ATP2C2: variants seen among roughly 807,000 people sequenced by gnomAD.
ATP2C2 encodes the protein calcium-transporting ATPase type 2C member 2.
In ATP2C2, 171 loss-of-function variants were observed where a neutral mutation model predicts 110.8. That is an observed-to-expected ratio of 1.54 (90% CI 1.36 to 1.75). The LOEUF (loss-of-function observed/expected upper bound fraction) is 1.75, where lower values mean the gene tolerates loss of function less well. Among genes scored for constraint, ATP2C2 ranks in the 40% most tolerant of loss-of-function variants. The pLI is 0.00. For synonymous variants in ATP2C2, 804 were observed against 508.4 expected, an observed-to-expected ratio of 1.58 and a Z score of -7.82; for missense variants, 1,963 against 1,235.0, an observed-to-expected ratio of 1.59 and a Z score of -8.84.
At chr16:84,414,846 A>G (rs1906691211) in intron 6 of ATP2C2, among the ~76,000 whole-genome samples, 1 of 152,088 alleles carries the variant, frequency 6.6e-6, no homozygotes, top group South Asian at 2.1e-4. Flanking sequence ...TGGGAAAGCC[A>G]TCGGAGGGTT....
Position 84,398,367 on chromosome 16 carries a change from C to G in ATP2C2, c.100-132C>G, listed in dbSNP as rs12148971. On this transcript the variant is annotated intron_variant, in intron 1 of 26. Coordinates refer to ENST00000262429, the MANE Select transcript of ATP2C2 (RefSeq NM_014861.4). ...GTTGTGGTGAGCTGAGATCATGACA[C>G]TGCACTCCAGCCTGGGTGACAGAGT... 6.9e-6 allele frequency: 3 copies of G among 432,952 alleles called. No homozygotes were observed. The East Asian group carries it at 1.2e-4, about 18-fold the overall frequency. The allele number at this position is 432,952 out of a possible 1,614,324, so 26.8% of individuals were successfully genotyped here. A position where few individuals can be genotyped will look rare whatever the true frequency, so the allele number is the denominator to read the frequency against.
intron 2 of ATP2C2, among the ~76,000 whole-genome samples, chr16:84,402,627 C>A (rs1905406780): frequency 6.6e-6 from 1 of 152,094 alleles, no homozygotes; most frequent in Admixed American, 6.6e-5. Flanking sequence ...CATCCTTGCA[C>A]CCTTGGGATA....
intron 7 of ATP2C2, among the ~76,000 whole-genome samples, chr16:84,420,867 G>T (rs1364215598): frequency 2.0e-5 from 3 of 152,134 alleles, no homozygotes; most frequent in Admixed American, 2.0e-4. Flanking sequence ...GTGCAGTGGG[G>T]CAATCTCGGC....
chr16:84,453,462 G>C (rs1251595452), intron 20 of ATP2C2, 91 bp downstream of exon 20: 9 of 1,528,786 alleles, frequency 5.9e-6, no homozygotes, highest in Non-Finnish European at 4.5e-6. Context: ...TCGGGTGACA[G>C]TGCAGGGCCC....
chr16:84,411,947 T>TTTTCTTTTCTTTC (rs1268706805), intron 6 of ATP2C2, among the ~76,000 whole-genome samples: 1 of 151,222 alleles, frequency 6.6e-6, no homozygotes, highest in African/African-American at 2.4e-5. Context: ...TCTTTTCTTT[T>TTTTCTTTTCTTTC]CTTTCTTTTC....
chr16:84,415,721 A>G, intron 7 of ATP2C2, 130 bp downstream of exon 7: 8 of 691,914 alleles, frequency 1.2e-5, no homozygotes, highest in South Asian at 3.9e-5. Flanking sequence ...ACATGCATAC[A>G]CACAAGACAG....
In ATP2C2 at chr16:84,398,462, T is replaced by C. The variant is rs761705784; in HGVS notation, c.100-37T>C. On this transcript the variant is annotated intron_variant, in intron 1 of 26. Coordinates refer to ENST00000262429, the MANE Select transcript of ATP2C2 (RefSeq NM_014861.4). ...ATTTAAAAATTAATCAGTACAAAAG[T>C]TCAATCCGCTAAACAGCAACCCTGC... The C allele has an allele frequency of 1.3e-5, 19 of 1,412,928 alleles. No homozygotes were observed. The Middle Eastern group carries it at 5.5e-4, about 41-fold the overall frequency. 87.5% of individuals were successfully genotyped at this position (1,412,928 alleles called of 1,614,324 possible).
chr16:84,414,425 G>A (rs1366672709), intron 6 of ATP2C2, among the ~76,000 whole-genome samples: 1 of 152,180 alleles, frequency 6.6e-6, no homozygotes, highest in African/African-American at 2.4e-5. Context: ...ACAGCTCCTT[G>A]CATCACAGCC....
chr16:84,439,661 C>T (rs1053754371), intron 13 of ATP2C2, 137 bp downstream of exon 13: 5 of 816,218 alleles, frequency 6.1e-6, no homozygotes, highest in Non-Finnish European at 9.9e-6. Flanking sequence ...TCCTTGCTAA[C>T]ATGACTGATT....
chr16:84,453,093 G>A (rs756414273), intron 18 of ATP2C2, 45 bp from the exon 19 acceptor site: 1 of 1,551,806 alleles, frequency 6.4e-7, no homozygotes, highest in South Asian at 1.2e-5. Flanking sequence ...TGAGGGGTGG[G>A]GACGCGGGCC....
rs1905979597 is a variant in ATP2C2, at chr16:84,408,485, C to T, written c.408C>T (p.Ser136=). 1 of 1,612,980 alleles carries T rather than the reference C, an allele frequency of 6.2e-7. No homozygotes were observed. The highest frequency in any genetic ancestry group is 2.2e-5 in the East Asian group (1 of 44,838). Residue 136 remains serine, a synonymous_variant, in exon 4 of 27, where the codon AGC becomes AGT. Coordinates refer to ENST00000262429, the MANE Select transcript of ATP2C2 (RefSeq NM_014861.4). The stretch of plus-strand genomic sequence containing the variant: ...CCAAGGAGTATGAGGACGCCGTCAG[C>T]ATCGCCACGGTGAGTTCCCTGACAG... The part of the protein sequence containing the change: ...VLTKEYEDAV[S]IATAVLVVVT...
chr16:84,418,485 G>T (rs3848244), intron 7 of ATP2C2, among the ~76,000 whole-genome samples: 3 of 152,130 alleles, frequency 2.0e-5, no homozygotes, highest in Non-Finnish European at 4.4e-5. Context: ...TGAAGACAAC[G>T]AATATTTTTC....
rs139973597 is a variant in ATP2C2, at chr16:84,448,813, C to T, written c.1660+124C>T. 619 of 1,323,696 alleles carry T rather than the reference C, an allele frequency of 4.7e-4. 2 individuals carry two copies. Among genetic ancestry groups the T allele is most frequent in the South Asian group, 8.7e-4 (58 of 66,456 alleles). 82.0% of individuals were successfully genotyped at this position (1,323,696 alleles called of 1,614,324 possible). The stretch of plus-strand genomic sequence containing the variant: ...CCCAAGGAGTCAGGCAGCATGCTGA[C>T]GGCAATAATGTGTGCTTGGAACCTG... On this transcript the variant is annotated intron_variant, in intron 17 of 26. Coordinates refer to ENST00000262429, the MANE Select transcript of ATP2C2 (RefSeq NM_014861.4).
intron 11 of ATP2C2, 144 bp from the exon 12 acceptor site, chr16:84,439,022 C>G (rs1352074230): frequency 7.8e-7 from 1 of 1,280,570 alleles, no homozygotes; most frequent in Non-Finnish European, 1.1e-6. Context: ...GCAGGTGCAC[C>G]TTAGGATTGG....
chr16:84,460,605 T>C, intron 23 of ATP2C2, 49 bp from the exon 24 acceptor site: 1 of 1,613,522 alleles, frequency 6.2e-7, no homozygotes, highest in African/African-American at 1.3e-5. Context: ...AAGGGTCCTT[T>C]ATTTCATTCC....
chr16:84,459,755 G>C (rs1311544760), intron 23 of ATP2C2: 1 of 624,156 alleles, frequency 1.6e-6, no homozygotes, highest in Admixed American at 2.9e-5. Flanking sequence ...TTTCCCTAGA[G>C]AGGAAGATAC....
At position 84,463,881 on chromosome 16, in the gene ATP2C2, C is replaced by G. The variant is rs1911656505; in HGVS notation, c.*149C>G. On this transcript the variant is annotated 3_prime_UTR_variant, in exon 27 of 27. Transcript: ENST00000262429. ...TTCCTCTTAGGAAAGCTGCAGGAACCTCGTGGGCTCCAGGGACCCAGGCCC... is the reference window on the plus strand; with the variant it reads ...TTCCTCTTAGGAAAGCTGCAGGAACGTCGTGGGCTCCAGGGACCCAGGCCC... 1 of 712,852 alleles carries G rather than the reference C, an allele frequency of 1.4e-6. No homozygotes were observed. The highest frequency in any genetic ancestry group is 2.4e-6 in the Non-Finnish European group (1 of 422,612). The allele number at this position is 712,852 out of a possible 1,614,324, so 44.2% of individuals were successfully genotyped here.
intron 26 of ATP2C2, among the ~76,000 whole-genome samples, chr16:84,463,296 G>A (rs914409277): frequency 2.0e-4 from 31 of 152,098 alleles, no homozygotes; most frequent in African/African-American, 7.0e-4. Flanking sequence ...CAAGCAGCAG[G>A]GCACTGGGAC....
At chr16:84,460,162 G>A in intron 23 of ATP2C2, 1 of 202,558 alleles carries the variant, frequency 4.9e-6, no homozygotes, top group Non-Finnish European at 1.0e-5. Flanking sequence ...GCAGAAGTGG[G>A]ACCAGGAAGC....
Sources: gnomAD v4.1 joint callset for allele counts (sites outside exome capture counted in the v4.1 genomes callset) on GRCh38, gnomAD v4.1.1 for gene constraint, MANE v1.5 for transcripts, NCBI Gene and HGNC (gene_info 2026-07-23, HGNC 2026-07-21) for gene names.